The following IRAG1 variants were observed in gnomAD, a reference collection of about 807,000 sequenced individuals.
IRAG1 encodes the protein IP3R-associated cGMP kinase substrate.
A neutral mutation model predicts 106.2 loss-of-function variants in IRAG1; 62 were observed. The observed-to-expected ratio is 0.58, with a 90% confidence interval of 0.48 to 0.72. IRAG1 has a LOEUF of 0.72. IRAG1 is among the 30% of genes least tolerant of loss of function. The pLI is 0.00. For missense variants in IRAG1, 1,064 were observed against 1,140.7 expected (o/e 0.93, Z 0.97); for synonymous variants, 462 against 443.9 (o/e 1.04, Z -0.51).
intron 2 of IRAG1, among the ~76,000 whole-genome samples, chr11:10,642,353 A>AT (rs1318261616): frequency 6.6e-6 from 1 of 152,232 alleles, no homozygotes; most frequent in Non-Finnish European, 1.5e-5. Context: ...GGGCACAGGG[A>AT]TAAATATAGG....
intron 2 of IRAG1, among the ~76,000 whole-genome samples, chr11:10,640,309 A>G (rs1279475616): frequency 6.6e-6 from 1 of 152,194 alleles, no homozygotes; most frequent in African/African-American, 2.4e-5. Context: ...AACCGCAGAC[A>G]CTCACAATTC....
chr11:10,603,319 A>G, intron 13 of IRAG1, 68 bp from the exon 14 acceptor site: 3 of 1,566,354 alleles, frequency 1.9e-6, no homozygotes, highest in South Asian at 1.1e-5. Flanking sequence ...GCAGTCCCCA[A>G]CCTTTTCGGC....
intron 2 of IRAG1, among the ~76,000 whole-genome samples, chr11:10,636,200 T>C (rs1452578043): frequency 6.6e-6 from 1 of 152,226 alleles, no homozygotes; most frequent in African/African-American, 2.4e-5. Context: ...GACATTTTTA[T>C]TTATTTAATT....
intron 4 of IRAG1, 58 bp from the exon 5 acceptor site, chr11:10,629,769 G>A: frequency 1.3e-6 from 2 of 1,552,218 alleles, no homozygotes; most frequent in South Asian, 2.4e-5. Flanking sequence ...CCAGGCTGAG[G>A]TCATGCCATA....
Position 10,693,555 on chromosome 11 carries a change from CT to C in IRAG1, c.47del (p.Lys16ArgfsTer7), listed in dbSNP as rs1862229362. On this transcript the variant is annotated frameshift_variant, in exon 1 of 21. Coordinates refer to ENST00000423302, the MANE Select transcript of IRAG1 (RefSeq NM_130385.4). LOFTEE classifies it high-confidence loss of function. Reference sequence around the variant, plus strand: ...GCTTACCTAAAACTGAGTTATTCTCCTTTCCTCCTCTGGCCAGCCTCTCTTC... The same window carrying C: ...GCTTACCTAAAACTGAGTTATTCTCCTTCCTCCTCTGGCCAGCCTCTCTTC... ...QSEERLARGG[K>X]ENNSVLACGA... 6.5e-7 allele frequency: 1 copy of C among 1,535,474 alleles called. No homozygotes were observed. Among genetic ancestry groups the C allele is most frequent in the African/African-American group, 1.4e-5 (1 of 73,050 alleles).
In IRAG1 at chr11:10,604,402, T is replaced by C; in HGVS notation, c.1743+3A>G. Reference sequence around the variant, plus strand: ...GATTCCTCACATCAGGCTCCACAATTACCGTAATGGAAGCTTTGAAGTTTT... The same window carrying C: ...GATTCCTCACATCAGGCTCCACAATCACCGTAATGGAAGCTTTGAAGTTTT... On this transcript the variant is annotated splice_donor_region_variant and intron_variant, in intron 13 of 20. Coordinates refer to ENST00000423302, the MANE Select transcript of IRAG1 (RefSeq NM_130385.4). 1 of 1,613,974 alleles carries C rather than the reference T, an allele frequency of 6.2e-7. No homozygotes were observed. Among genetic ancestry groups the C allele is most frequent in the South Asian group, 1.1e-5 (1 of 91,086 alleles).
At chr11:10,675,215 C>A (rs753532682) in intron 1 of IRAG1, among the ~76,000 whole-genome samples, 1 of 152,208 alleles carries the variant, frequency 6.6e-6, no homozygotes, top group Non-Finnish European at 1.5e-5. Flanking sequence ...CTGGACTGGG[C>A]CAGTCCCCTG....
At chr11:10,592,191 T>C (rs1359647640) in intron 17 of IRAG1, among the ~76,000 whole-genome samples, 1 of 151,838 alleles carries the variant, frequency 6.6e-6, no homozygotes, top group Non-Finnish European at 1.5e-5. Context: ...CTGGGGGAGG[T>C]TTTAAAAAAG....
chr11:10,680,670 G>A (rs1861184824), intron 1 of IRAG1, among the ~76,000 whole-genome samples: 1 of 152,126 alleles, frequency 6.6e-6, no homozygotes, highest in Admixed American at 6.5e-5. Flanking sequence ...GAGCTGGGCT[G>A]CCCGGGTTCA....
intron 4 of IRAG1, 66 bp from the exon 5 acceptor site, chr11:10,629,777 A>G (rs944281318): frequency 1.0e-5 from 15 of 1,502,612 alleles, no homozygotes; most frequent in Non-Finnish European, 1.4e-5. Flanking sequence ...AGGTCATGCC[A>G]TACCATGCCT....
At chr11:10,623,370 T>A (rs1045559044) in intron 10 of IRAG1, among the ~76,000 whole-genome samples, 1 of 152,188 alleles carries the variant, frequency 6.6e-6, no homozygotes, top group Non-Finnish European at 1.5e-5. Flanking sequence ...GGAAGGGGCC[T>A]GCAGCTACCC....
In IRAG1 at chr11:10,610,775, G is replaced by A. The variant is rs376930251; in HGVS notation, c.1448-924C>T. Among the ~76,000 whole-genome samples the A allele has an allele frequency of 4.8e-4, 73 of 152,246 alleles. 1 individual carries two copies. In the South Asian group the frequency reaches 0.014, roughly 29 times the overall value. On this transcript the variant is annotated intron_variant, in intron 10 of 20. Transcript: ENST00000423302. ...GCATAGATTTTGTGTGCCTGACTAC[G>A]GGCTTACAGTACACTTAGCATTAAG...
intron 12 of IRAG1, 123 bp downstream of exon 12, chr11:10,606,619 C>G (rs539838064): frequency 8.2e-6 from 8 of 974,072 alleles, no homozygotes; most frequent in Admixed American, 2.7e-5. Flanking sequence ...TCACATTACC[C>G]CACAGTCACT....
At chr11:10,637,976 G>A (rs1037365180) in intron 2 of IRAG1, among the ~76,000 whole-genome samples, 1 of 152,228 alleles carries the variant, frequency 6.6e-6, no homozygotes, top group African/African-American at 2.4e-5. Context: ...AGTAGGAAGA[G>A]CTGAAGTCTT....
chr11:10,576,418 G>C lies in IRAG1; in HGVS notation c.2653C>G (p.Pro885Ala), dbSNP rs750822726. The C allele has an allele frequency of 6.2e-7, 1 of 1,613,946 alleles. No individual in the cohort carries two copies. The highest frequency in any genetic ancestry group is 1.1e-5 in the South Asian group (1 of 91,086). ...YNSCAEQADG[P>A]LGRSTCSAAQ... Reference sequence around the variant, plus strand: ...GCCGAGCAAGTGGATCTTCCAAGGGGCCCATCAGCCTGCTCTGCACAAGAG... The same window carrying C: ...GCCGAGCAAGTGGATCTTCCAAGGGCCCCATCAGCCTGCTCTGCACAAGAG... Residue 885 changes from proline to alanine, a missense_variant, in exon 21 of 21, where the codon CCC becomes GCC. Physicochemically the swap from Pro to Ala is conservative, Grantham distance 27 (BLOSUM62 -1). Coordinates refer to ENST00000423302, the MANE Select transcript of IRAG1 (RefSeq NM_130385.4).
At chr11:10,687,924 G>A (rs1301770161) in intron 1 of IRAG1, 3 of 564,098 alleles carry the variant, frequency 5.3e-6, no homozygotes, top group Non-Finnish European at 7.7e-6. Context: ...ATCATTACAG[G>A]TCGAGCATTC....
chr11:10,636,217 G>C (rs980884504), intron 2 of IRAG1, among the ~76,000 whole-genome samples: 1 of 152,166 alleles, frequency 6.6e-6, no homozygotes, highest in Non-Finnish European at 1.5e-5. Flanking sequence ...AATTTATTTA[G>C]TTTCTTCAGT....
rs369086068 is a variant in IRAG1, at chr11:10,658,819, TGTG to T, written c.68-6640_68-6638del. 4.7e-5 allele frequency among the ~76,000 whole-genome samples: 7 copies of T among 150,258 alleles called. No individual in the cohort carries two copies. In the South Asian group the frequency reaches 1.5e-3, roughly 32 times the overall value. ...GCTGTGCTCAGTCCTAGGTCTGTGC[TGTG>T]GTTACCCCATGTCTGTGCTGTGCTC... is the stretch of plus-strand genomic sequence containing the variant. On this transcript the variant is annotated intron_variant, in intron 1 of 20. Transcript: ENST00000423302.
At chr11:10,624,615 G>A (rs911033592) in intron 9 of IRAG1, among the ~76,000 whole-genome samples, 1 of 147,066 alleles carries the variant, frequency 6.8e-6, no homozygotes, top group Non-Finnish European at 1.5e-5. Flanking sequence ...TTTGTCCCCC[G>A]AGAAGGGAGG....
Sources: gnomAD v4.1 joint callset for allele counts (sites outside exome capture counted in the v4.1 genomes callset) on GRCh38, gnomAD v4.1.1 for gene constraint, MANE v1.5 for transcripts, NCBI Gene and HGNC (gene_info 2026-07-23, HGNC 2026-07-21) for gene names.